The following GBF1 variants were observed in gnomAD, a reference collection of about 807,000 sequenced individuals.
GBF1 encodes Golgi-specific brefeldin A-resistance guanine nucleotide exchange factor 1.
Under a neutral mutation model 210.5 loss-of-function variants are expected in GBF1, and 114 were observed. That is an observed-to-expected ratio of 0.54 (90% confidence interval 0.47 to 0.63). GBF1 has a LOEUF of 0.63. Among genes scored for constraint, GBF1 ranks in the 30% least tolerant of loss-of-function variants. The probability of loss-of-function intolerance (pLI) is 0.00; values close to 1 mark genes in which losing one functional copy is unlikely to be tolerated. For missense variants in GBF1, 1,851 were observed against 2,357.7 expected (o/e 0.79, Z 4.45); for synonymous variants, 850 against 889.2 (o/e 0.96, Z 0.78).
chr10:102,321,355 C>T (rs1282167514), intron 3 of GBF1, among the ~76,000 whole-genome samples: 1 of 150,762 alleles, frequency 6.6e-6, no homozygotes, highest in Admixed American at 6.6e-5. Context: ...TATTAATTTG[C>T]ATCTTTCTTT....
intron 4 of GBF1, among the ~76,000 whole-genome samples, chr10:102,348,427 A>G (rs1267825514): frequency 6.6e-6 from 1 of 152,234 alleles, no homozygotes; most frequent in Non-Finnish European, 1.5e-5. Context: ...GATTACTGAA[A>G]GAGAGGAAGA....
At chr10:102,255,698 C>A (rs2072249467) in intron 1 of GBF1, among the ~76,000 whole-genome samples, 1 of 152,188 alleles carries the variant, frequency 6.6e-6, no homozygotes, top group African/African-American at 2.4e-5. Flanking sequence ...TTAATCTTTT[C>A]TCTTCTGATA....
chr10:102,371,863 G>T (rs544433395), intron 29 of GBF1, among the ~76,000 whole-genome samples: 1 of 150,806 alleles, frequency 6.6e-6, no homozygotes, highest in African/African-American at 2.4e-5. Flanking sequence ...CAAGGCGGAG[G>T]TTGCAGTGAG....
intron 4 of GBF1, among the ~76,000 whole-genome samples, chr10:102,345,571 C>A (rs537856717): frequency 7.1e-6 from 1 of 140,776 alleles, no homozygotes; most frequent in Non-Finnish European, 1.5e-5. Flanking sequence ...CACTTGAACC[C>A]GGGAGGCGGA....
In GBF1 at chr10:102,379,622, G is replaced by A. The variant is rs765179396; in HGVS notation, c.4747G>A (p.Ala1583Thr). Residue 1583 changes from alanine (A) to threonine (T), a missense_variant, in exon 35 of 40, where the codon GCC (alanine) becomes ACC (threonine). Physicochemically the swap from Ala to Thr is moderately conservative, Grantham distance 58 (BLOSUM62 0). This residue lies in a region of GBF1 where 967 missense variants were observed against 1,247.7 expected (regional missense o/e 0.78). Transcript: ENST00000369983. ...TGTACATGATCTGCAAAAGCTAGAT[G>A]CCCTGGAATGGGAGTCCTGTTTTAA... Reference protein sequence around the residue: ...LLVHDLQKLDALEWESCFNKV... With the variant: ...LLVHDLQKLDTLEWESCFNKV... 1 of 1,614,100 alleles carries A rather than the reference G, an allele frequency of 6.2e-7. No individual in the cohort carries two copies. The highest frequency in any genetic ancestry group is 1.7e-5 in the Admixed American group (1 of 60,018).
chr10:102,330,966 G>T (rs1460685414), intron 3 of GBF1, among the ~76,000 whole-genome samples: 1 of 151,976 alleles, frequency 6.6e-6, no homozygotes, highest in Non-Finnish European at 1.5e-5. Context: ...GAAAGTGGAG[G>T]CTAAATCTGA....
At chr10:102,326,675 T>C (rs960947317) in intron 3 of GBF1, among the ~76,000 whole-genome samples, 3 of 152,190 alleles carry the variant, frequency 2.0e-5, no homozygotes, top group African/African-American at 7.2e-5. Flanking sequence ...CCATGCCTCT[T>C]TGAGTCCCCC....
intron 32 of GBF1, 26 bp downstream of exon 32, chr10:102,376,826 T>A (rs1421794233): frequency 1.2e-6 from 2 of 1,609,188 alleles, no homozygotes. Flanking sequence ...AGGGGGCAGC[T>A]GGGGAGTAGC....
chr10:102,361,760 C>A lies in GBF1; in HGVS notation c.1534C>A (p.Pro512Thr). ...TATGGAGATCATCACTGTGGAGAAC[C>A]CCAAGATGCCTTATGAGATGAAGGA... ...KLMEIITVEN[P>T]KMPYEMKEMA... is the part of the protein sequence containing the mutation. Residue 512 changes from proline (P) to threonine (T), a missense_variant, in exon 14 of 40, where the codon CCC (proline) becomes ACC (threonine). By Grantham distance (38) the Pro-to-Thr change is conservative. Transcript: ENST00000369983. 1.9e-6 allele frequency: 3 copies of A among 1,612,178 alleles called. No individual in the cohort carries two copies. Among genetic ancestry groups the A allele is most frequent in the Non-Finnish European group, 2.5e-6 (3 of 1,179,152 alleles).
rs377063364 is a variant in GBF1, at chr10:102,307,502, A to G, written c.164-36549A>G. The stretch of plus-strand genomic sequence containing the variant: ...GTGTAAATCAATAAGAAAAAAGCAG[A>G]TTTCCCAGCTGGGCACAGTGGCTCA... On this transcript the variant is annotated intron_variant, in intron 3 of 39. Transcript: ENST00000369983. Among the ~76,000 whole-genome samples the G allele has an allele frequency of 1.1e-4, 17 of 151,894 alleles. No homozygotes were observed. In the East Asian group the frequency reaches 2.5e-3, roughly 22 times the overall value.
chr10:102,293,769 G>C (rs2993084), intron 3 of GBF1, among the ~76,000 whole-genome samples: 1 of 27,770 alleles, frequency 3.6e-5, no homozygotes, highest in Non-Finnish European at 6.2e-5. Context: ...AGTATGTTTT[G>C]TGTTTTTTTT....
Position 102,302,735 on chromosome 10 carries a change from A to G in GBF1, c.164-41316A>G, listed in dbSNP as rs181451427. Reference sequence around the variant, plus strand: ...TGAACTGGGTGATTTTGCCCCCCAGAGAAAGTCTGGCAATATCTGGAGACA... The same window carrying G: ...TGAACTGGGTGATTTTGCCCCCCAGGGAAAGTCTGGCAATATCTGGAGACA... On this transcript the variant is annotated intron_variant, in intron 3 of 39. Coordinates refer to ENST00000369983, the MANE Select transcript of GBF1 (RefSeq NM_001377137.1). Among the ~76,000 whole-genome samples the G allele has an allele frequency of 1.7e-3, 261 of 152,232 alleles. 3 individuals are homozygous for G. The highest frequency in any genetic ancestry group is 0.016 in the Admixed American group (251 of 15,288).
chr10:102,353,567 C>G (rs757814294), intron 7 of GBF1, 33 bp from the exon 8 acceptor site: 3 of 1,435,470 alleles, frequency 2.1e-6, no homozygotes, highest in Non-Finnish European at 3.0e-6. Flanking sequence ...GTCATTATCC[C>G]TAATGACAGT....
intron 3 of GBF1, among the ~76,000 whole-genome samples, chr10:102,336,028 G>A (rs971658081): frequency 2.0e-5 from 3 of 152,064 alleles, no homozygotes; most frequent in Admixed American, 1.3e-4. Context: ...GTGGCCAGGT[G>A]CAGTGGCTCA....
At chr10:102,262,470 A>G (rs2073360550) in intron 3 of GBF1, among the ~76,000 whole-genome samples, 1 of 152,202 alleles carries the variant, frequency 6.6e-6, no homozygotes, top group Non-Finnish European at 1.5e-5. Flanking sequence ...AGATATTAAG[A>G]GGATCAAACA....
chr10:102,339,925 T>C (rs2058054115), intron 3 of GBF1, among the ~76,000 whole-genome samples: 1 of 149,536 alleles, frequency 6.7e-6, no homozygotes, highest in Admixed American at 6.7e-5. Context: ...TCGCTGGGAC[T>C]ACAGGCACAT....
At chr10:102,233,704 A>C in the GBF1 span, among the ~76,000 whole-genome samples, 1,382 of 152,306 alleles carry the variant, frequency 9.1e-3, 24 homozygotes, top group African/African-American at 0.031. Context: ...GCCTGGTCTC[A>C]TGCCTGCACC....
chr10:102,361,067 GT>G lies in GBF1; in HGVS notation c.1439del (p.Val480AspfsTer39). The part of the protein sequence containing the change: ...RLNLYAASLR[V>X]CFLLFESMRE... ...AAACCTTTATGCTGCTTCCCTGCGA[GT>G]ATGCTTCCTACTGTTTGAGAGCATG... On this transcript the variant is annotated frameshift_variant, in exon 13 of 40. Coordinates refer to ENST00000369983, the MANE Select transcript of GBF1 (RefSeq NM_001377137.1). LOFTEE classifies it high-confidence loss of function. 6.2e-7 allele frequency: 1 copy of G among 1,608,702 alleles called. No individual in the cohort carries two copies. Among genetic ancestry groups the G allele is most frequent in the African/African-American group, 1.3e-5 (1 of 74,864 alleles).
the GBF1 span, among the ~76,000 whole-genome samples, chr10:102,233,523 C>G: frequency 4.6e-5 from 7 of 152,150 alleles, no homozygotes; most frequent in Non-Finnish European, 1.0e-4. Flanking sequence ...AGGCTGGTCT[C>G]GAACTCCTCA....
Sources: allele counts gnomAD v4.1 joint callset (sites outside exome capture counted in the v4.1 genomes callset), GRCh38; gene constraint gnomAD v4.1.1; regional missense constraint gnomAD v4.1.1; transcripts MANE v1.5; gene names NCBI Gene and HGNC (gene_info 2026-07-23, HGNC 2026-07-21).